Variants in FGF14 observed in about 807,000 individuals in gnomAD.
The protein encoded by FGF14 is fibroblast growth factor homologous factor 4.
In FGF14, 5 loss-of-function variants were observed where a neutral mutation model predicts 25.5. The observed-to-expected ratio is 0.20, with a 90% CI of 0.10 to 0.41. FGF14 has a LOEUF of 0.41. Among genes scored for constraint, FGF14 ranks in the 10% least tolerant of loss-of-function variants. FGF14 has a pLI of 1.00. For missense variants in FGF14, 222 were observed against 320.1 expected, an observed-to-expected ratio of 0.69 and a Z score of 2.34; for synonymous variants, 138 against 118.3, an observed-to-expected ratio of 1.17 and a Z score of -1.08.
At chr13:102,173,680 A>G (rs923526795) in intron 1 of FGF14, among the ~76,000 whole-genome samples, 7 of 152,282 alleles carry the variant, frequency 4.6e-5, no homozygotes, top group African/African-American at 1.4e-4. Context: ...GTTAGGGCAT[A>G]GTTAGGTTGG....
intron 1 of FGF14, among the ~76,000 whole-genome samples, chr13:101,975,149 C>G (rs1006645336): frequency 6.6e-6 from 1 of 152,090 alleles, no homozygotes; most frequent in Non-Finnish European, 1.5e-5. Context: ...TGCTCAGAAC[C>G]CTCAACTACA....
At chr13:102,396,293 A>G (rs2058581646) in intron 1 of FGF14, among the ~76,000 whole-genome samples, 1 of 152,214 alleles carries the variant, frequency 6.6e-6, no homozygotes, top group Non-Finnish European at 1.5e-5. Flanking sequence ...CAGTGCAATG[A>G]CTTGTTTAAC....
In FGF14 at chr13:102,217,879, G is replaced by A. The variant is rs193068483; in HGVS notation, c.208+183592C>T. 4.4e-3 allele frequency among the ~76,000 whole-genome samples: 667 copies of A among 152,210 alleles called. 3 individuals carry two copies. The highest frequency in any genetic ancestry group is 6.7e-3 in the Non-Finnish European group (454 of 68,000). ...CAACCAGAGTAAGCTGAGAAAGCCC[G>A]GAACACTGGTGGCTGGGTTCAGGAC... On this transcript the variant is annotated intron_variant, in intron 1 of 4. Transcript: ENST00000376131.
At chr13:101,845,182 G>A (rs542383985) in intron 3 of FGF14, among the ~76,000 whole-genome samples, 1 of 152,108 alleles carries the variant, frequency 6.6e-6, no homozygotes. Flanking sequence ...TTAAATTTTA[G>A]GTGATATTTA....
At chr13:102,037,785 G>A (rs1033903610) in intron 1 of FGF14, among the ~76,000 whole-genome samples, 1 of 152,250 alleles carries the variant, frequency 6.6e-6, no homozygotes, top group African/African-American at 2.4e-5. Context: ...AGTGGATTGA[G>A]CCTAGTAATG....
intron 1 of FGF14, among the ~76,000 whole-genome samples, chr13:102,089,813 A>C (rs561731552): frequency 6.6e-6 from 1 of 152,288 alleles, no homozygotes; most frequent in South Asian, 2.1e-4. Flanking sequence ...CAATCATATA[A>C]TTTCTGCAGA....
intron 1 of FGF14, among the ~76,000 whole-genome samples, chr13:102,239,936 T>C (rs180969264): frequency 2.0e-5 from 3 of 152,320 alleles, no homozygotes; most frequent in Admixed American, 6.5e-5. Context: ...TCAAGAAATC[T>C]AGAATGTAAT....
rs201358838 is a variant in FGF14 at position 101,722,803 on chromosome 13, A to G, written c.*28T>C. The G allele has an allele frequency of 1.9e-6, 3 of 1,612,920 alleles. No individual in the cohort carries two copies. Among genetic ancestry groups the G allele is most frequent in the African/African-American group, 2.7e-5 (2 of 74,956 alleles). Reference sequence around the variant, plus strand: ...AATCACTCAACTGTGCTCAGGACGAATAAGTCACAACACCTGTGAGGATCT... The same window carrying G: ...AATCACTCAACTGTGCTCAGGACGAGTAAGTCACAACACCTGTGAGGATCT... On this transcript the variant is annotated 3_prime_UTR_variant, in exon 5 of 5. Transcript: ENST00000376143.
intron 1 of FGF14, among the ~76,000 whole-genome samples, chr13:101,937,136 T>C (rs911809925): frequency 1.8e-4 from 27 of 152,336 alleles, no homozygotes; most frequent in African/African-American, 5.5e-4. Flanking sequence ...CCACTGCCAC[T>C]GTAGATAAAA....
intron 1 of FGF14, among the ~76,000 whole-genome samples, chr13:102,289,719 T>C (rs1566905350): frequency 6.6e-6 from 1 of 152,212 alleles, no homozygotes; most frequent in Non-Finnish European, 1.5e-5. Flanking sequence ...AGATTCTGTG[T>C]CATATCTTAA....
At chr13:102,130,387 G>C (rs917016292) in intron 1 of FGF14, among the ~76,000 whole-genome samples, 4 of 152,042 alleles carry the variant, frequency 2.6e-5, no homozygotes, top group Non-Finnish European at 5.9e-5. Flanking sequence ...CTCCATCTTT[G>C]CCCGAAATGA....
At chr13:102,104,579 C>T (rs1038223794) in intron 1 of FGF14, among the ~76,000 whole-genome samples, 4 of 152,036 alleles carry the variant, frequency 2.6e-5, no homozygotes, top group Non-Finnish European at 5.9e-5. Context: ...AGTTGGAGAC[C>T]AGCCTGGGTA....
At chr13:102,013,974 A>C (rs905730195) in intron 1 of FGF14, among the ~76,000 whole-genome samples, 1 of 152,192 alleles carries the variant, frequency 6.6e-6, no homozygotes, top group Non-Finnish European at 1.5e-5. Context: ...AGTGATTTCT[A>C]TATGTCAGGT....
chr13:102,382,076 G>A (rs1034935542), intron 1 of FGF14, among the ~76,000 whole-genome samples: 3 of 152,074 alleles, frequency 2.0e-5, no homozygotes, highest in African/African-American at 7.2e-5. Flanking sequence ...CTTGGGTTAG[G>A]AGATCATTTC....
At chr13:101,784,631 T>C (rs1026778187) in intron 3 of FGF14, among the ~76,000 whole-genome samples, 8 of 152,240 alleles carry the variant, frequency 5.3e-5, no homozygotes, top group Non-Finnish European at 8.8e-5. Context: ...AATGTTTGAA[T>C]GGTAACATAT....
intron 1 of FGF14, among the ~76,000 whole-genome samples, chr13:102,055,713 A>G (rs1304509116): frequency 6.6e-6 from 1 of 152,196 alleles, no homozygotes; most frequent in Non-Finnish European, 1.5e-5. Context: ...GTGGCAAACC[A>G]CACCTCTTTG....
chr13:101,998,665 T>C (rs189488559), intron 1 of FGF14, among the ~76,000 whole-genome samples: 2 of 152,332 alleles, frequency 1.3e-5, no homozygotes, highest in East Asian at 1.9e-4. Context: ...CCCTCACACA[T>C]TGAAAATCTT....
intron 1 of FGF14, among the ~76,000 whole-genome samples, chr13:102,282,079 C>G (rs1438242081): frequency 9.4e-6 from 1 of 105,940 alleles, no homozygotes; most frequent in Non-Finnish European, 2.0e-5. Flanking sequence ...TTTTTTTCTT[C>G]CTTTGAGATG....
At chr13:102,138,639 C>T (rs935976636) in intron 1 of FGF14, among the ~76,000 whole-genome samples, 121 of 151,058 alleles carry the variant, frequency 8.0e-4, no homozygotes, top group Middle Eastern at 3.4e-3. Context: ...AGGTGTCAGT[C>T]CATCCAATGC....
Sources: allele counts gnomAD v4.1 joint callset (sites outside exome capture counted in the v4.1 genomes callset), GRCh38; gene constraint gnomAD v4.1.1; transcripts MANE v1.5; gene names NCBI Gene and HGNC (gene_info 2026-07-23, HGNC 2026-07-21).